The following ST3GAL1 variants were observed in gnomAD, a reference collection of about 807,000 sequenced individuals.
The protein encoded by ST3GAL1 is CMP-N-acetylneuraminate-beta-galactosamide-alpha-2,3-sialyltransferase 1.
ST3GAL1 carries 16 observed loss-of-function variants against 34.1 expected under a neutral mutation model. The ratio of observed to expected loss-of-function variants is 0.47; its 90% CI spans 0.32 to 0.71. ST3GAL1 has a LOEUF of 0.71. ST3GAL1 is among the 30% of genes least tolerant of loss of function. ST3GAL1 has a pLI of 0.04. For synonymous variants in ST3GAL1, 191 were observed against 184.7 expected (o/e 1.03, Z -0.28); for missense variants, 353 against 447.4 (o/e 0.79, Z 1.90).
chr8:133,571,067 A>G lies in ST3GAL1; in HGVS notation c.-582+626T>C, dbSNP rs1358630051. Among the ~76,000 whole-genome samples, 1 of 152,158 alleles carries G rather than the reference A, an allele frequency of 6.6e-6. No individual in the cohort carries two copies. On this transcript the variant is annotated intron_variant, in intron 1 of 9. Coordinates refer to ENST00000522652, the MANE Select transcript of ST3GAL1 (RefSeq NM_173344.3). This position sits in a 1 kb window ranked among gnomAD's most constrained non-coding sequence, Gnocchi z 6.7. ...TCAACTTCACCCCCAGATCCGGAGC[A>G]GCGCGCTCTGACGGCGTCCCCGGGG...
At chr8:133,520,221 G>A (rs1817761783) in intron 2 of ST3GAL1, among the ~76,000 whole-genome samples, 3 of 152,206 alleles carry the variant, frequency 2.0e-5, no homozygotes, top group Admixed American at 6.5e-5. Context: ...GTAGAGGTCA[G>A]CTGATAGGGA....
At chr8:133,516,799 G>A (rs936440270) in intron 2 of ST3GAL1, among the ~76,000 whole-genome samples, 6 of 152,136 alleles carry the variant, frequency 3.9e-5, no homozygotes, top group African/African-American at 7.2e-5. Context: ...TCATGTGCCC[G>A]ATCACAAAGA....
At chr8:133,549,184 T>C (rs1052288872) in intron 1 of ST3GAL1, among the ~76,000 whole-genome samples, 1 of 151,316 alleles carries the variant, frequency 6.6e-6, no homozygotes, top group African/African-American at 2.4e-5. Context: ...GTGGATCACC[T>C]GAGGTTGGGA....
rs562557511 is a variant in ST3GAL1 at position 133,500,991 on chromosome 8, G to C, written c.-428-1802C>G. On this transcript the variant is annotated intron_variant, in intron 2 of 9. Coordinates refer to ENST00000522652, the MANE Select transcript of ST3GAL1 (RefSeq NM_173344.3). ...ACCTGGTGCTCTCCTTCCTAACACT[G>C]CTGGGCTGAGCCACACCAGGCAAGG... 1.4e-4 allele frequency among the ~76,000 whole-genome samples: 22 copies of C among 152,318 alleles called. 1 individual carries two copies. In the South Asian group the frequency reaches 1.5e-3, roughly 10 times the overall value.
intron 3 of ST3GAL1, among the ~76,000 whole-genome samples, chr8:133,488,807 C>T (rs1476751308): frequency 6.6e-6 from 1 of 152,122 alleles, no homozygotes; most frequent in East Asian, 1.9e-4. Context: ...GTAGGTGAGT[C>T]CAACGAACTG....
rs549767507 is a variant in ST3GAL1, at chr8:133,556,782, T to C, written c.-581-10856A>G. 1.3e-5 allele frequency among the ~76,000 whole-genome samples: 2 copies of C among 152,212 alleles called. No individual in the cohort carries two copies. The highest frequency in any genetic ancestry group is 2.1e-4 in the South Asian group (1 of 4,820). ...TGACCCAGAATGCCACCACTAACAG[T>C]CCTATTTATAGCCCTTTGAAATATG... On this transcript the variant is annotated intron_variant, in intron 1 of 9. Coordinates refer to ENST00000522652, the MANE Select transcript of ST3GAL1 (RefSeq NM_173344.3). The surrounding 1 kb of genome is among the most constrained non-coding windows in gnomAD (Gnocchi z 8.9).
intron 2 of ST3GAL1, among the ~76,000 whole-genome samples, chr8:133,510,782 C>T (rs2131011016): frequency 6.6e-6 from 1 of 152,328 alleles, no homozygotes; most frequent in East Asian, 1.9e-4. Context: ...TCATTACTGA[C>T]AGCGTCATGT....
intron 3 of ST3GAL1, among the ~76,000 whole-genome samples, chr8:133,492,068 A>C (rs890254859): frequency 2.0e-5 from 3 of 152,152 alleles, no homozygotes; most frequent in Non-Finnish European, 4.4e-5. Flanking sequence ...AGAGCAGCTG[A>C]GGCCTGGCAG....
intron 2 of ST3GAL1, among the ~76,000 whole-genome samples, chr8:133,540,934 C>CATATATATACATATATATAGACAT (rs751280527): frequency 1.9e-5 from 1 of 51,392 alleles, no homozygotes; most frequent in Non-Finnish European, 3.2e-5. Flanking sequence ...TATATATAGA[C>CATATATATACATATATATAGACAT]ATATATAGAC....
rs1815677933 is a variant in ST3GAL1, at chr8:133,464,963, A to G, written c.504-6T>C. The stretch of plus-strand genomic sequence containing the variant: ...CCGTGGGCGCCTTGTTCATCCTGGG[A>G]GAGAAGGGGAGAAAGCTGAGTCTTG... On this transcript the variant is annotated splice_polypyrimidine_tract_variant and splice_region_variant and intron_variant, in intron 6 of 9. Coordinates refer to ENST00000522652, the MANE Select transcript of ST3GAL1 (RefSeq NM_173344.3). 6.2e-7 allele frequency: 1 copy of G among 1,610,778 alleles called. No individual in the cohort carries two copies. Among genetic ancestry groups the G allele is most frequent in the Non-Finnish European group, 8.5e-7 (1 of 1,177,826 alleles).
rs895537924 is a variant in ST3GAL1, at chr8:133,527,171, G to A, written c.-429+18603C>T. 1.3e-5 allele frequency among the ~76,000 whole-genome samples: 2 copies of A among 152,150 alleles called. 1 individual carries two copies. The highest frequency in any genetic ancestry group is 4.2e-4 in the South Asian group (2 of 4,818). On this transcript the variant is annotated intron_variant, in intron 2 of 9. Coordinates refer to ENST00000522652, the MANE Select transcript of ST3GAL1 (RefSeq NM_173344.3). The stretch of plus-strand genomic sequence containing the variant: ...GAGAGGTTGTTCTACTCTGAGGGGA[G>A]GGGAGGCAGAGAGAAAGAGGGGAGA...
intron 1 of ST3GAL1, among the ~76,000 whole-genome samples, chr8:133,563,178 CTT>C (rs779160732): frequency 2.6e-5 from 4 of 151,962 alleles, no homozygotes; most frequent in Non-Finnish European, 5.9e-5. Context: ...TGCATTTGAT[CTT>C]TTCTTTTTTT....
chr8:133,460,005 C>A (rs1815437889), intron 9 of ST3GAL1, 68 bp from the exon 10 acceptor site: 1 of 1,503,868 alleles, frequency 6.6e-7, no homozygotes. Context: ...AGAAAGGAAG[C>A]CTGTAGGCGT....
intron 3 of ST3GAL1, among the ~76,000 whole-genome samples, chr8:133,491,670 G>A (rs1816789694): frequency 6.6e-6 from 1 of 152,186 alleles, no homozygotes; most frequent in East Asian, 1.9e-4. Flanking sequence ...GTCCCTAATG[G>A]GGATTAAGAT....
chr8:133,557,636 T>C (rs1028375396), intron 1 of ST3GAL1, among the ~76,000 whole-genome samples: 1 of 152,050 alleles, frequency 6.6e-6, no homozygotes, highest in Non-Finnish European at 1.5e-5. Flanking sequence ...GATCATGAGG[T>C]CAAGAGTTTG....
At chr8:133,524,520 C>T (rs1817904793) in intron 2 of ST3GAL1, among the ~76,000 whole-genome samples, 1 of 152,254 alleles carries the variant, frequency 6.6e-6, no homozygotes, top group African/African-American at 2.4e-5. Context: ...GCTCATGTCA[C>T]CCACTTGGCC....
At position 133,461,867 on chromosome 8, in the gene ST3GAL1, T is replaced by C. The variant is rs570360222; in HGVS notation, c.849+8A>G. 1.2e-6 allele frequency: 2 copies of C among 1,613,574 alleles called. No homozygotes were observed. The highest frequency in any genetic ancestry group is 1.3e-5 in the African/African-American group (1 of 74,908). ...GGCAGCCCTGTGGGCAGGGGGAGGG[T>C]GGCATACCTCATCGCAGACATGCAT... On this transcript the variant is annotated splice_region_variant and intron_variant, in intron 9 of 9. Transcript: ENST00000522652. The surrounding 1 kb of genome is among the most constrained non-coding windows in gnomAD (Gnocchi z 4.7).
intron 2 of ST3GAL1, among the ~76,000 whole-genome samples, chr8:133,511,241 G>C (rs925831833): frequency 1.3e-5 from 2 of 152,138 alleles, no homozygotes; most frequent in Admixed American, 6.5e-5. Context: ...TCTGGGCTTG[G>C]GGACTTTAAT....
At chr8:133,519,940 ACT>A (rs1250210868) in intron 2 of ST3GAL1, among the ~76,000 whole-genome samples, 2 of 152,122 alleles carry the variant, frequency 1.3e-5, no homozygotes, top group Non-Finnish European at 2.9e-5. Flanking sequence ...AAAGAGTGAG[ACT>A]CTGTCTCAAA....
Sources: allele counts gnomAD v4.1 joint callset (sites outside exome capture counted in the v4.1 genomes callset), GRCh38; gene constraint gnomAD v4.1.1; non-coding constraint Gnocchi (gnomAD v3.1); transcripts MANE v1.5; gene names NCBI Gene and HGNC (gene_info 2026-07-23, HGNC 2026-07-21).